IBTK: variants seen among roughly 807,000 people sequenced by gnomAD.
The protein encoded by IBTK is inhibitor of Bruton tyrosine kinase, also known as BTK-binding protein.
A neutral mutation model predicts 154.9 loss-of-function variants in IBTK; 83 were observed. That is an observed-to-expected ratio of 0.54 (90% CI 0.45 to 0.64). The LOEUF is 0.64. Among genes scored for constraint, IBTK ranks in the 30% least tolerant of loss-of-function variants. The pLI is 0.00. For synonymous variants in IBTK, 515 were observed against 536.1 expected (o/e 0.96, Z 0.54); for missense variants, 1,332 against 1,584.6 (o/e 0.84, Z 2.71).
At chr6:82,219,782 A>G (rs975357985) in intron 9 of IBTK, among the ~76,000 whole-genome samples, 1 of 152,100 alleles carries the variant, frequency 6.6e-6, no homozygotes, top group African/African-American at 2.4e-5. Context: ...TGATCCGGAA[A>G]TATTTCATAT....
chr6:82,186,472 T>G (rs561960229), intron 25 of IBTK, among the ~76,000 whole-genome samples: 1 of 152,218 alleles, frequency 6.6e-6, no homozygotes. Flanking sequence ...GGTTTTTTTT[T>G]GTAGATATTA....
At chr6:82,186,771 A>G (rs1768572209) in intron 25 of IBTK, among the ~76,000 whole-genome samples, 1 of 152,160 alleles carries the variant, frequency 6.6e-6, no homozygotes, top group Non-Finnish European at 1.5e-5. Flanking sequence ...TAAATTATCT[A>G]TAATTGGTCA....
In IBTK at chr6:82,236,464, A is replaced by T. The variant is rs374193183; in HGVS notation, c.322-2209T>A. On this transcript the variant is annotated intron_variant, in intron 2 of 28. Coordinates refer to ENST00000306270, the MANE Select transcript of IBTK (RefSeq NM_015525.4). ...AGTAAACCACCAGTATAAAAGAGCA[A>T]TGGTTTAGCAACAACAGATACAGCA... Among the ~76,000 whole-genome samples the T allele has an allele frequency of 2.0e-4, 31 of 152,324 alleles. No individual in the cohort carries two copies. The South Asian group carries it at 5.2e-3, about 25-fold the overall frequency.
chr6:82,200,109 G>C lies in IBTK; in HGVS notation c.3025+32C>G, dbSNP rs753426201. 6.9e-6 allele frequency: 9 copies of C among 1,313,282 alleles called. No homozygotes were observed. The South Asian group carries it at 8.5e-5, about 12-fold the overall frequency. 81.4% of individuals were successfully genotyped at this position (1,313,282 alleles called of 1,614,324 possible). On this transcript the variant is annotated intron_variant, in intron 21 of 28. Coordinates refer to ENST00000306270, the MANE Select transcript of IBTK (RefSeq NM_015525.4). Reference sequence around the variant, plus strand: ...ATGTGAATAGAGACATAGAAGATTAGAACTGGAAATACATGCTCACTTTCC... The same window carrying C: ...ATGTGAATAGAGACATAGAAGATTACAACTGGAAATACATGCTCACTTTCC...
At chr6:82,228,332 C>T (rs1156411474) in intron 4 of IBTK, among the ~76,000 whole-genome samples, 4 of 151,838 alleles carry the variant, frequency 2.6e-5, no homozygotes, top group South Asian at 2.1e-4. Context: ...TACCCTAGAC[C>T]GCTCGGAATT....
At chr6:82,172,297 A>T in intron 28 of IBTK, 83 bp downstream of exon 28, 1 of 1,426,252 alleles carries the variant, frequency 7.0e-7, no homozygotes, top group Non-Finnish European at 9.6e-7. Context: ...ACCTGTCCAA[A>T]ACAAACAAAC....
intron 2 of IBTK, among the ~76,000 whole-genome samples, chr6:82,236,588 G>A (rs530854184): frequency 6.6e-6 from 1 of 152,290 alleles, no homozygotes; most frequent in Admixed American, 6.5e-5. Flanking sequence ...CTCTATTCCA[G>A]CTTTTTGTAG....
At chr6:82,227,332 C>T (rs374660572) in intron 4 of IBTK, 30 bp from the exon 5 acceptor site, 1 of 1,276,186 alleles carries the variant, frequency 7.8e-7, no homozygotes, top group Non-Finnish European at 1.1e-6. Context: ...TATTATTAAA[C>T]TTCTCTGAAT....
At chr6:82,220,163 T>C (rs941118029) in intron 9 of IBTK, among the ~76,000 whole-genome samples, 1 of 152,128 alleles carries the variant, frequency 6.6e-6, no homozygotes, top group Non-Finnish European at 1.5e-5. Context: ...TGAGCCGACA[T>C]CATGACACTG....
At chr6:82,174,374 T>C (rs2127796095) in intron 26 of IBTK, among the ~76,000 whole-genome samples, 1 of 152,210 alleles carries the variant, frequency 6.6e-6, no homozygotes, top group South Asian at 2.1e-4. Context: ...TAAAGTACTA[T>C]GGATGCACAG....
intron 26 of IBTK, among the ~76,000 whole-genome samples, chr6:82,175,485 A>G (rs1294049502): frequency 6.6e-6 from 1 of 152,226 alleles, no homozygotes; most frequent in East Asian, 1.9e-4. Context: ...TAATTTCATT[A>G]ATTACAAATT....
chr6:82,222,683 A>C (rs1770141153), intron 8 of IBTK, among the ~76,000 whole-genome samples: 1 of 152,200 alleles, frequency 6.6e-6, no homozygotes, highest in Non-Finnish European at 1.5e-5. Context: ...TCCTTAAATC[A>C]TTCAAAATGA....
intron 28 of IBTK, among the ~76,000 whole-genome samples, chr6:82,171,788 A>G (rs1270208650): frequency 1.3e-5 from 2 of 152,200 alleles, no homozygotes; most frequent in Admixed American, 1.3e-4. Flanking sequence ...TTCAATTTGA[A>G]TCTTGAGCAG....
In IBTK at chr6:82,217,967, T is replaced by G; in HGVS notation, c.1419A>C (p.Glu473Asp). The G allele has an allele frequency of 6.3e-7, 1 of 1,592,384 alleles. No homozygotes were observed. Among genetic ancestry groups the G allele is most frequent in the Non-Finnish European group, 8.5e-7 (1 of 1,171,676 alleles). Residue 473 changes from glutamate to aspartate, a missense_variant, in exon 10 of 29, where the codon GAA becomes GAC. By Grantham distance (45) the Glu-to-Asp change is conservative. This residue lies in a region of IBTK where 1,134 missense variants were observed against 1,274.7 expected (regional missense o/e 0.89). Transcript: ENST00000306270. ...RWFEEKRKSSEKKEILSNLHN... is the reference protein window; with the variant it reads ...RWFEEKRKSSDKKEILSNLHN... The stretch of plus-strand genomic sequence containing the variant: ...TTCAATATATGAACTGACCTTTCTT[T>G]TCAGAACTCTTTCTTTTCTCTTCAA...
At position 82,221,081 on chromosome 6, in the gene IBTK, C is replaced by CT; in HGVS notation, c.1125-369dup. On this transcript the variant is annotated intron_variant, in intron 8 of 28. Transcript: ENST00000306270. Reference sequence around the variant, plus strand: ...GTGGCTCCCGCCTGTAATCCCAGCACTTTGGGAGGCCAAGGCCGGTGGATC... The same window carrying CT: ...GTGGCTCCCGCCTGTAATCCCAGCACTTTTGGGAGGCCAAGGCCGGTGGATC... Among the ~76,000 whole-genome samples, 4 of 152,214 alleles carry CT rather than the reference C, an allele frequency of 2.6e-5. 1 individual carries two copies. The South Asian group carries it at 8.3e-4, about 32-fold the overall frequency.
intron 21 of IBTK, among the ~76,000 whole-genome samples, chr6:82,197,312 TG>T (rs1371893693): frequency 6.6e-6 from 1 of 152,186 alleles, no homozygotes; most frequent in Non-Finnish European, 1.5e-5. Context: ...TTTCTTTTAT[TG>T]TTATCACTAC....
At chr6:82,233,381 A>G (rs1409248697) in intron 3 of IBTK, among the ~76,000 whole-genome samples, 2 of 152,126 alleles carry the variant, frequency 1.3e-5, no homozygotes, top group Non-Finnish European at 2.9e-5. Flanking sequence ...CAAAAATAAC[A>G]AAAGGAATAA....
At chr6:82,229,733 G>A (rs750305688) in intron 4 of IBTK, among the ~76,000 whole-genome samples, 4 of 151,884 alleles carry the variant, frequency 2.6e-5, no homozygotes, top group Non-Finnish European at 2.9e-5. Flanking sequence ...CTTGATTCTC[G>A]CCCATCACAA....
chr6:82,229,738 T>A (rs758269376), intron 4 of IBTK, among the ~76,000 whole-genome samples: 4 of 152,158 alleles, frequency 2.6e-5, no homozygotes, highest in Non-Finnish European at 4.4e-5. Flanking sequence ...TTCTCGCCCA[T>A]CACAAGTCCT....
Sources: gnomAD v4.1 joint callset for allele counts (sites outside exome capture counted in the v4.1 genomes callset) on GRCh38, gnomAD v4.1.1 for gene constraint, gnomAD v4.1.1 regional missense constraint, MANE v1.5 for transcripts, NCBI Gene and HGNC (gene_info 2026-07-23, HGNC 2026-07-21) for gene names.